DAB1: variants seen among roughly 807,000 people sequenced by gnomAD.
The protein encoded by DAB1 is disabled homolog 1.
DAB1 carries 15 observed loss-of-function variants against 64.6 expected under a neutral mutation model. That is an observed-to-expected ratio of 0.23 (90% confidence interval 0.16 to 0.36). The LOEUF (loss-of-function observed/expected upper bound fraction) is 0.36, where lower values mean the gene tolerates loss of function less well. Among genes scored for constraint, DAB1 ranks in the 10% least tolerant of loss-of-function variants. The pLI is 1.00. For missense variants in DAB1, 596 were observed against 706.7 expected (o/e 0.84, Z 1.78); for synonymous variants, 235 against 251.9 (o/e 0.93, Z 0.64).
intron 6 of DAB1, among the ~76,000 whole-genome samples, chr1:57,654,713 T>C (rs956073435): frequency 1.3e-5 from 2 of 152,078 alleles, no homozygotes; most frequent in African/African-American, 4.8e-5. Flanking sequence ...AATAACTAAC[T>C]GTTTCATTTA....
chr1:58,207,039 T>C (rs575415222), intron 4 of DAB1, among the ~76,000 whole-genome samples: 65 of 152,230 alleles, frequency 4.3e-4, no homozygotes, highest in Non-Finnish European at 6.6e-4. Flanking sequence ...AGGGGCCACA[T>C]AAAGCAGAGC....
At chr1:57,324,937 A>G (rs1194362426) in intron 1 of DAB1, among the ~76,000 whole-genome samples, 2 of 152,186 alleles carry the variant, frequency 1.3e-5, no homozygotes, top group Non-Finnish European at 2.9e-5. Context: ...TTCCCTGAGA[A>G]CTGCTCAAGA....
At chr1:57,837,378 A>G (rs1271252597) in intron 1 of DAB1, among the ~76,000 whole-genome samples, 1 of 152,006 alleles carries the variant, frequency 6.6e-6, no homozygotes, top group African/African-American at 2.4e-5. Context: ...TCACCATTCT[A>G]CTTGACTTCT....
intron 9 of DAB1, among the ~76,000 whole-genome samples, chr1:57,051,355 A>G (rs1649166567): frequency 1.3e-5 from 2 of 152,230 alleles, no homozygotes; most frequent in African/African-American, 4.8e-5. Flanking sequence ...ATTTAATCCA[A>G]TTATCCAACA....
intron 6 of DAB1, among the ~76,000 whole-genome samples, chr1:57,652,023 C>T (rs568051112): frequency 3.5e-4 from 53 of 152,206 alleles, no homozygotes; most frequent in South Asian, 6.2e-4. Flanking sequence ...CTTCCCAAAA[C>T]CCAACCACCT....
At chr1:57,192,556 A>AACCATC (rs931707903) in intron 2 of DAB1, among the ~76,000 whole-genome samples, 1 of 152,146 alleles carries the variant, frequency 6.6e-6, no homozygotes. Flanking sequence ...CTGTTACCAT[A>AACCATC]ACCATCACCA....
At chr1:58,198,542 A>G (rs983687569) in intron 4 of DAB1, among the ~76,000 whole-genome samples, 1 of 152,204 alleles carries the variant, frequency 6.6e-6, no homozygotes, top group Non-Finnish European at 1.5e-5. Flanking sequence ...TCCAATGTCC[A>G]TGCCTTCCTT....
At chr1:57,719,795 C>T (rs1013229049) in intron 6 of DAB1, among the ~76,000 whole-genome samples, 5 of 152,050 alleles carry the variant, frequency 3.3e-5, no homozygotes, top group South Asian at 2.1e-4. Context: ...CGTGTGAGAG[C>T]GAACTAATAC....
intron 2 of DAB1, among the ~76,000 whole-genome samples, chr1:57,157,256 G>C (rs1660315183): frequency 6.6e-6 from 1 of 151,468 alleles, no homozygotes; most frequent in South Asian, 2.1e-4. Flanking sequence ...TTTAACTTTT[G>C]ACAGTTACAA....
intron 7 of DAB1, among the ~76,000 whole-genome samples, chr1:57,483,972 G>A (rs779929268): frequency 1.6e-4 from 25 of 152,180 alleles, no homozygotes; most frequent in Non-Finnish European, 3.2e-4. Flanking sequence ...AGCATTTCAT[G>A]TGGTTATACA....
At chr1:58,440,125 G>A (rs995978679) in intron 3 of DAB1, among the ~76,000 whole-genome samples, 2 of 152,226 alleles carry the variant, frequency 1.3e-5, no homozygotes, top group Non-Finnish European at 1.5e-5. Flanking sequence ...GGAGTGGGAG[G>A]AGAAGAGAAT....
At chr1:58,482,901 T>A (rs1353375960) in intron 3 of DAB1, among the ~76,000 whole-genome samples, 2 of 152,138 alleles carry the variant, frequency 1.3e-5, no homozygotes. Flanking sequence ...TTTTAAGTTT[T>A]ACTCTAAACA....
At chr1:57,724,983 GC>G (rs1419428648) in intron 6 of DAB1, among the ~76,000 whole-genome samples, 2 of 152,192 alleles carry the variant, frequency 1.3e-5, no homozygotes, top group Admixed American at 1.3e-4. Context: ...GTACAAGTTA[GC>G]CAAGTAACTG....
At chr1:57,436,134 C>T (rs1293828153) in intron 7 of DAB1, among the ~76,000 whole-genome samples, 2 of 152,028 alleles carry the variant, frequency 1.3e-5, no homozygotes, top group Non-Finnish European at 2.9e-5. Context: ...TCAGGCTGGT[C>T]TCGAACTCCT....
At chr1:57,149,464 A>G (rs1659456966) in intron 2 of DAB1, among the ~76,000 whole-genome samples, 1 of 152,096 alleles carries the variant, frequency 6.6e-6, no homozygotes, top group Non-Finnish European at 1.5e-5. Flanking sequence ...TAAGGTTCCA[A>G]TTTCTTTACC....
chr1:57,644,148 A>G (rs1018084904), intron 7 of DAB1, among the ~76,000 whole-genome samples: 2 of 152,170 alleles, frequency 1.3e-5, no homozygotes, highest in Admixed American at 6.6e-5. Flanking sequence ...AATGGTCAGA[A>G]AAGCCTCTCT....
intron 6 of DAB1, among the ~76,000 whole-genome samples, chr1:57,706,622 A>T (rs756868093): frequency 1.3e-5 from 2 of 152,058 alleles, no homozygotes; most frequent in Non-Finnish European, 2.9e-5. Context: ...GACTACTCAC[A>T]TGTTTATCAA....
At chr1:57,667,399 T>C (rs1281120539) in intron 6 of DAB1, among the ~76,000 whole-genome samples, 1 of 152,136 alleles carries the variant, frequency 6.6e-6, no homozygotes, top group Non-Finnish European at 1.5e-5. Flanking sequence ...TGTGTTCTTC[T>C]TTTTCAGAGT....
At chr1:57,759,723 C>T (rs563921033) in intron 6 of DAB1, among the ~76,000 whole-genome samples, 4 of 152,200 alleles carry the variant, frequency 2.6e-5, no homozygotes, top group African/African-American at 9.6e-5. Context: ...GGGGAATAGA[C>T]TAGGCAGAGG....
Sources: gnomAD v4.1 joint callset for allele counts (sites outside exome capture counted in the v4.1 genomes callset) on GRCh38, gnomAD v4.1.1 for gene constraint, MANE v1.5 for transcripts, NCBI Gene and HGNC (gene_info 2026-07-23, HGNC 2026-07-21) for gene names.